Variants in THUMPD3 observed in about 807,000 individuals in gnomAD.
THUMPD3 encodes the protein THUMP domain 3 tRNA guanosine methyltransferase, also known as tRNA (guanine(6)-N(2))-methyltransferase THUMP3.
THUMPD3 carries 44 observed loss-of-function variants against 54.5 expected under a neutral mutation model. The observed-to-expected ratio is 0.81, with a 90% confidence interval of 0.63 to 1.04. The LOEUF is 1.04. THUMPD3 is among the 50% of genes least tolerant of loss of function. THUMPD3 has a pLI of 0.00. For synonymous variants in THUMPD3, 196 were observed against 201.4 expected, an observed-to-expected ratio of 0.97 and a Z score of 0.23; for missense variants, 604 against 601.3, an observed-to-expected ratio of 1.00 and a Z score of -0.05.
chr3:9,365,345 T>C (rs749811188), intron 2 of THUMPD3, 25 bp downstream of exon 2: 2 of 1,610,256 alleles, frequency 1.2e-6, no homozygotes, highest in Non-Finnish European at 8.5e-7. Context: ...ATATTTAAAA[T>C]AGTTTTCTAA....
intron 3 of THUMPD3, 24 bp downstream of exon 3, chr3:9,367,009 CTGAT>C: frequency 6.3e-7 from 1 of 1,583,326 alleles, no homozygotes; most frequent in Non-Finnish European, 8.6e-7. Flanking sequence ...AACATGGTGG[CTGAT>C]TTTTGGCTGT....
chr3:9,382,829 T>G (rs982288070), intron 7 of THUMPD3: 1 of 160,784 alleles, frequency 6.2e-6, no homozygotes, highest in African/African-American at 2.4e-5. Flanking sequence ...TGGACTCAAG[T>G]GATCCTCCCA....
chr3:9,384,230 A>G lies in THUMPD3; in HGVS notation c.1254A>G (p.Arg418=). ...PFGKRMGSKK[R]NWNLYPACLR... The stretch of plus-strand genomic sequence containing the variant: ...ATTATAGGATGGGATCCAAGAAGAG[A>G]AACTGGAACCTTTATCCAGCTTGCC... Residue 418 remains arginine, a synonymous_variant, in exon 9 of 10, where the codon AGA becomes AGG. Transcript: ENST00000452837. 6.2e-7 allele frequency: 1 copy of G among 1,614,110 alleles called. No individual in the cohort carries two copies. Among genetic ancestry groups the G allele is most frequent in the Non-Finnish European group, 8.5e-7 (1 of 1,179,992 alleles).
intron 4 of THUMPD3, among the ~76,000 whole-genome samples, chr3:9,373,152 A>C (rs911348819): frequency 3.9e-5 from 6 of 152,316 alleles, no homozygotes; most frequent in African/African-American, 1.4e-4. Context: ...TCTAAAAGTT[A>C]GCAAGGTGAT....
At chr3:9,377,732 T>C in intron 5 of THUMPD3, 87 bp from the exon 6 acceptor site, 1 of 1,019,706 alleles carries the variant, frequency 9.8e-7, no homozygotes. Flanking sequence ...GTGTGGTAGG[T>C]CCTCAATCTT....
chr3:9,385,345 A>G lies in THUMPD3; in HGVS notation c.*657A>G, dbSNP rs1396190559. 6.6e-6 allele frequency: 1 copy of G among 152,248 alleles called. No individual in the cohort carries two copies. The highest frequency in any genetic ancestry group is 2.4e-5 in the African/African-American group (1 of 41,444). The allele number at this position is 152,248 out of a possible 1,614,324, so 9.4% of individuals were successfully genotyped here. ...GTGCAAAACTACCCTGGCCCAAAGG[A>G]AGGGCAGAGAACATAATTACATCTT... On this transcript the variant is annotated 3_prime_UTR_variant, in exon 10 of 10. Transcript: ENST00000452837.
Position 9,371,083 on chromosome 3 carries a change from A to G in THUMPD3, c.354A>G (p.Glu118=). The G allele has an allele frequency of 6.4e-7, 1 of 1,572,938 alleles. No homozygotes were observed. Among genetic ancestry groups the G allele is most frequent in the Non-Finnish European group, 8.6e-7 (1 of 1,167,294 alleles). The change falls in exon 4 of 10, where the codon GAA becomes GAG. Residue 118 remains glutamate (E), a synonymous_variant. Coordinates refer to ENST00000452837, the MANE Select transcript of THUMPD3 (RefSeq NM_001114092.2). ...QTKEEVLKDF[E]DLAGKLPWSN... ...AGGAAGAAGTTCTAAAGGATTTTGA[A>G]GACTTGGCTGGAAAACTCCCATGGT...
At chr3:9,368,942 T>TC (rs1478558048) in intron 3 of THUMPD3, among the ~76,000 whole-genome samples, 3 of 152,228 alleles carry the variant, frequency 2.0e-5, no homozygotes, top group Non-Finnish European at 1.5e-5. Flanking sequence ...TGCTTTTTTT[T>TC]CATATACAAG....
chr3:9,371,276 C>G lies in THUMPD3; in HGVS notation c.547C>G (p.His183Asp). 5.0e-6 allele frequency: 8 copies of G among 1,613,698 alleles called. No homozygotes were observed. The highest frequency in any genetic ancestry group is 5.9e-6 in the Non-Finnish European group (7 of 1,179,928). ...GTTCACTAGCCATGCTTTAGATTCTCATATCTTAGATTATTATGAAAATCC... is the reference window on the plus strand; with the variant it reads ...GTTCACTAGCCATGCTTTAGATTCTGATATCTTAGATTATTATGAAAATCC... ...KEFTSHALDS[H>D]ILDYYENPAI... The change falls in exon 4 of 10, where the codon CAT becomes GAT. Residue 183 changes from histidine (H) to aspartate (D), a missense_variant. Physicochemically the swap from His to Asp is moderately conservative, Grantham distance 81 (BLOSUM62 -1). Coordinates refer to ENST00000452837, the MANE Select transcript of THUMPD3 (RefSeq NM_001114092.2).
Position 9,380,570 on chromosome 3 carries a change from C to G in THUMPD3, c.1076C>G (p.Ala359Gly), listed in dbSNP as rs2032806316. ...GDNNPLAVNRAANNIASLLTK... is the reference protein window; with the variant it reads ...GDNNPLAVNRGANNIASLLTK... The stretch of plus-strand genomic sequence containing the variant: ...AATAATCCACTGGCTGTGAATAGAG[C>G]AGCAAATAACATTGCATCTTTATTG... Residue 359 changes from alanine to glycine, a missense_variant, in exon 7 of 10, where the codon GCA (alanine) becomes GGA (glycine). Ala to Gly is a moderately conservative substitution (Grantham distance 60). Transcript: ENST00000452837. 1.2e-6 allele frequency: 2 copies of G among 1,613,502 alleles called. No individual in the cohort carries two copies. The highest frequency in any genetic ancestry group is 2.7e-5 in the African/African-American group (2 of 74,898).
intron 6 of THUMPD3, 123 bp downstream of exon 6, chr3:9,378,011 A>T: frequency 2.6e-6 from 2 of 759,290 alleles, no homozygotes; most frequent in Non-Finnish European, 4.3e-6. Context: ...GTTTTAAAAC[A>T]ATTAACAATA....
chr3:9,374,419 T>C, intron 4 of THUMPD3, 97 bp from the exon 5 acceptor site: 1 of 1,477,216 alleles, frequency 6.8e-7, no homozygotes, highest in Non-Finnish European at 9.1e-7. Context: ...ACAGGTTGCC[T>C]AAGGAGGGGT....
chr3:9,369,940 G>T (rs1192004023), intron 3 of THUMPD3, among the ~76,000 whole-genome samples: 1 of 152,088 alleles, frequency 6.6e-6, no homozygotes, highest in East Asian at 1.9e-4. Flanking sequence ...TTATGTGTGT[G>T]TGTTCTAGCT....
At chr3:9,384,429 C>T (rs527764777) in intron 9 of THUMPD3, 94 bp downstream of exon 9, 2 of 1,596,948 alleles carry the variant, frequency 1.3e-6, no homozygotes, top group Non-Finnish European at 1.7e-6. Flanking sequence ...TTTGTTTTCT[C>T]TTCCCCTGAG....
chr3:9,380,679 C>T, intron 7 of THUMPD3, 61 bp downstream of exon 7: 3 of 1,249,038 alleles, frequency 2.4e-6, no homozygotes, highest in East Asian at 2.3e-5. Context: ...TTTATATTGA[C>T]TTTATGAATT....
chr3:9,370,689 A>C (rs1025103751), intron 3 of THUMPD3, among the ~76,000 whole-genome samples: 3 of 152,168 alleles, frequency 2.0e-5, no homozygotes, highest in African/African-American at 7.2e-5. Flanking sequence ...CAAGTGATCC[A>C]CTTGCTTCAG....
In THUMPD3 at chr3:9,371,323, A is replaced by G; in HGVS notation, c.594A>G (p.Ser198=). ...ATCCAGCCATCAAAGAGGATGTATC[A>G]ACATTAATAGGTGATGATTTGGCAT... ...YENPAIKEDV[S]TLIGDDLASC... The change falls in exon 4 of 10, where the codon TCA becomes TCG. Residue 198 remains serine, a synonymous_variant. Transcript: ENST00000452837. 6.2e-7 allele frequency: 1 copy of G among 1,614,160 alleles called. No homozygotes were observed.
Position 9,384,208 on chromosome 3 carries a change from A to G in THUMPD3, c.1236-4A>G, listed in dbSNP as rs376447284. 88 of 1,613,544 alleles carry G rather than the reference A, an allele frequency of 5.5e-5. No homozygotes were observed. The highest frequency in any genetic ancestry group is 7.3e-5 in the Non-Finnish European group (86 of 1,179,896). On this transcript the variant is annotated splice_polypyrimidine_tract_variant and splice_region_variant and intron_variant, in intron 8 of 9. Transcript: ENST00000452837. ...TGTTTGACTCATGAGACCTTCTATT[A>G]TAGGATGGGATCCAAGAAGAGAAAC...
chr3:9,382,511 A>C (rs1363682056), intron 7 of THUMPD3, among the ~76,000 whole-genome samples: 1 of 151,908 alleles, frequency 6.6e-6, no homozygotes, highest in Non-Finnish European at 1.5e-5. Flanking sequence ...CAATTTTACT[A>C]TCTGTTTTTC....
Sources: gnomAD v4.1 joint callset for allele counts (sites outside exome capture counted in the v4.1 genomes callset) on GRCh38, gnomAD v4.1.1 for gene constraint, MANE v1.5 for transcripts, NCBI Gene and HGNC (gene_info 2026-07-23, HGNC 2026-07-21) for gene names.